Variants in PPP2R2D observed in about 807,000 individuals in gnomAD.
The protein encoded by PPP2R2D is protein phosphatase 2 regulatory subunit Bdelta, also known as serine/threonine-protein phosphatase 2A 55 kDa regulatory subunit B delta isoform.
PPP2R2D carries 9 observed loss-of-function variants against 31.1 expected under a neutral mutation model. That is an observed-to-expected ratio of 0.29 (90% CI 0.17 to 0.51). PPP2R2D has a LOEUF of 0.51. Ranked by LOEUF, PPP2R2D falls within the 20% of genes least tolerant of loss-of-function variation. The pLI, the probability that PPP2R2D is intolerant of heterozygous loss-of-function variation, is 0.98. For missense variants in PPP2R2D, 391 were observed against 465.6 expected (o/e 0.84, Z 1.48); for synonymous variants, 179 against 172.6 (o/e 1.04, Z -0.29).
At chr10:131,901,623 G>A (rs1337622811) in intron 2 of PPP2R2D, among the ~76,000 whole-genome samples, 2 of 152,144 alleles carry the variant, frequency 1.3e-5, no homozygotes, top group Non-Finnish European at 2.9e-5. Flanking sequence ...GCTGCCTCCT[G>A]CCCGGGGCGG....
At chr10:131,919,225 G>A (rs1554893847) in intron 2 of PPP2R2D, among the ~76,000 whole-genome samples, 2 of 124,578 alleles carry the variant, frequency 1.6e-5, no homozygotes, top group Admixed American at 8.2e-5. Flanking sequence ...ACAGTGTAGG[G>A]ACCTCAGGCG....
At chr10:131,950,600 G>A (rs942282556) in intron 8 of PPP2R2D, among the ~76,000 whole-genome samples, 42 of 152,282 alleles carry the variant, frequency 2.8e-4, no homozygotes, top group African/African-American at 9.9e-4. Flanking sequence ...TTTCAAATGG[G>A]AAACAATGTA....
At chr10:131,935,023 C>A in intron 3 of PPP2R2D, 1 of 453,134 alleles carries the variant, frequency 2.2e-6, no homozygotes, top group South Asian at 1.6e-5. Context: ...AGCACTCACT[C>A]CTCCATGCCC....
intron 2 of PPP2R2D, among the ~76,000 whole-genome samples, chr10:131,926,263 ATTAG>A (rs2036103498): frequency 6.6e-6 from 1 of 152,018 alleles, no homozygotes; most frequent in South Asian, 2.1e-4. Context: ...ATTCACTTCT[ATTAG>A]TTTATGTCTG....
chr10:131,970,582 A>G, the PPP2R2D span: 1 of 1,587,526 alleles, frequency 6.3e-7, no homozygotes, highest in African/African-American at 1.3e-5. This position sits in a 1 kb window ranked among gnomAD's most constrained non-coding sequence, Gnocchi z 4.1. Flanking sequence ...AATCACTGCA[A>G]CCCAGAATCG....
chr10:131,931,311 C>A (rs1047532406), intron 2 of PPP2R2D, among the ~76,000 whole-genome samples: 1 of 152,160 alleles, frequency 6.6e-6, no homozygotes, highest in Admixed American at 6.5e-5. Flanking sequence ...CGGGCTTTCC[C>A]GTCTCTCTTT....
chr10:131,956,128 C>G lies in PPP2R2D; in HGVS notation c.*165C>G, dbSNP rs2036792061. 1 of 1,253,476 alleles carries G rather than the reference C, an allele frequency of 8.0e-7. No individual in the cohort carries two copies. Among genetic ancestry groups the G allele is most frequent in the African/African-American group, 1.5e-5 (1 of 65,088 alleles). 77.6% of individuals were successfully genotyped at this position (1,253,476 alleles called of 1,614,324 possible). A position where few individuals can be genotyped will look rare whatever the true frequency, so the allele number is the denominator to read the frequency against. ...CCTCCGCTGGAGGCCCGGTGTGGTT[C>G]CGCCTCGGCGAGGCGCGAGACAGGC... is the stretch of plus-strand genomic sequence containing the variant. On this transcript the variant is annotated 3_prime_UTR_variant, in exon 9 of 9. Transcript: ENST00000455566.
At chr10:131,905,799 C>T (rs2075691636) in intron 2 of PPP2R2D, among the ~76,000 whole-genome samples, 2 of 152,258 alleles carry the variant, frequency 1.3e-5, no homozygotes, top group South Asian at 2.1e-4. Flanking sequence ...TGTACTGCTT[C>T]AGCGACCATT....
At chr10:131,905,004 A>G (rs2035560571) in intron 2 of PPP2R2D, among the ~76,000 whole-genome samples, 1 of 151,260 alleles carries the variant, frequency 6.6e-6, no homozygotes, top group African/African-American at 2.4e-5. Context: ...TTTTAAAAGA[A>G]TTGGGTTTAG....
chr10:131,916,700 T>A (rs1438346230), intron 2 of PPP2R2D, among the ~76,000 whole-genome samples: 8 of 87,496 alleles, frequency 9.1e-5, no homozygotes, highest in Non-Finnish European at 1.7e-4. Flanking sequence ...TGGAATGACA[T>A]AGTGTTTGTA....
intron 2 of PPP2R2D, among the ~76,000 whole-genome samples, chr10:131,916,140 T>C (rs782163937): frequency 6.6e-6 from 1 of 152,182 alleles, no homozygotes; most frequent in Non-Finnish European, 1.5e-5. Flanking sequence ...AGATGGAACC[T>C]TTCTCTGGCC....
chr10:131,917,510 GAC>G lies in PPP2R2D; in HGVS notation c.100+16184_100+16185del, dbSNP rs1322627195. On this transcript the variant is annotated intron_variant, in intron 2 of 8. Coordinates refer to ENST00000455566, the MANE Select transcript of PPP2R2D (RefSeq NM_018461.5). ...TGTAGGGACCTCACACGGATGGAAT[GAC>G]ACAGTGTTTGTAGGGACCTCAGGCG... Among the ~76,000 whole-genome samples, 17 of 123,070 alleles carry G rather than the reference GAC, an allele frequency of 1.4e-4. 2 individuals are homozygous for G. The highest frequency in any genetic ancestry group is 9.2e-4 in the South Asian group (3 of 3,258). 80.7% of individuals were successfully genotyped at this position (123,070 alleles called of 152,430 possible).
At chr10:131,964,651 G>C (rs2036956964), downstream of PPP2R2D, among the ~76,000 whole-genome samples, 1 of 148,086 alleles carries the variant, frequency 6.8e-6, no homozygotes, top group African/African-American at 2.5e-5. Flanking sequence ...AAATTCACTA[G>C]CAAGAGTTTA....
intron 8 of PPP2R2D, among the ~76,000 whole-genome samples, chr10:131,953,170 C>CGGGGGTTCACTGTCTTAGTGACTTGT (rs2036715462): frequency 2.6e-4 from 5 of 19,296 alleles, no homozygotes; most frequent in South Asian, 1.5e-3. Context: ...TAGTGACTTG[C>CGGGGGTTCACTGTCTTAGTGACTTGT]GGGTGTGCGG....
intron 2 of PPP2R2D, among the ~76,000 whole-genome samples, chr10:131,905,243 C>G (rs1483366354): frequency 6.6e-6 from 1 of 152,100 alleles, no homozygotes; most frequent in Non-Finnish European, 1.5e-5. Flanking sequence ...AATAGTAAAA[C>G]CAGGGGGCTT....
downstream of PPP2R2D, among the ~76,000 whole-genome samples, chr10:131,964,664 A>ATTTTTTTTTTTTTTTTTTTTTTTT (rs782297365): frequency 7.9e-6 from 1 of 126,750 alleles, no homozygotes; most frequent in African/African-American, 3.1e-5. Flanking sequence ...AGAGTTTACT[A>ATTTTTTTTTTTTTTTTTTTTTTTT]TGTTTTTTTT....
At chr10:131,931,139 C>A (rs782792983) in intron 2 of PPP2R2D, among the ~76,000 whole-genome samples, 1 of 152,126 alleles carries the variant, frequency 6.6e-6, no homozygotes, top group African/African-American at 2.4e-5. Flanking sequence ...CTCCATCAGG[C>A]GGGGATGATG....
intron 2 of PPP2R2D, among the ~76,000 whole-genome samples, chr10:131,901,898 C>T (rs1364893664): frequency 6.6e-6 from 1 of 152,338 alleles, no homozygotes; most frequent in African/African-American, 2.4e-5. Context: ...TTGAATTTTA[C>T]TGTGAGGTAC....
chr10:131,923,055 G>A (rs938364753), intron 2 of PPP2R2D, among the ~76,000 whole-genome samples: 11 of 152,084 alleles, frequency 7.2e-5, no homozygotes, highest in African/African-American at 2.2e-4. Context: ...TGAAGTGTGC[G>A]GGTGAATATT....
Sources: allele counts gnomAD v4.1 joint callset (sites outside exome capture counted in the v4.1 genomes callset), GRCh38; gene constraint gnomAD v4.1.1; non-coding constraint Gnocchi (gnomAD v3.1); transcripts MANE v1.5; gene names NCBI Gene and HGNC (gene_info 2026-07-23, HGNC 2026-07-21).